The following TAFA1 variants were observed in gnomAD, a reference collection of about 807,000 sequenced individuals.
TAFA1 encodes the protein TAFA chemokine like family member 1, also known as chemokine-like protein TAFA-1.
Under a neutral mutation model 18.5 loss-of-function variants are expected in TAFA1, and 4 were observed. That is an observed-to-expected ratio of 0.22 (90% CI 0.11 to 0.49). The LOEUF is 0.49. Among genes scored for constraint, TAFA1 ranks in the 20% least tolerant of loss-of-function variants. The pLI, the probability that TAFA1 is intolerant of heterozygous loss-of-function variation, is 0.98. For synonymous variants in TAFA1, 56 were observed against 55.2 expected, an observed-to-expected ratio of 1.01 and a Z score of -0.06; for missense variants, 147 against 169.0, an observed-to-expected ratio of 0.87 and a Z score of 0.72.
intron 2 of TAFA1, among the ~76,000 whole-genome samples, chr3:68,131,588 C>G (rs1288247338): frequency 6.6e-6 from 1 of 152,216 alleles, no homozygotes; most frequent in Non-Finnish European, 1.5e-5. Context: ...GCTGTGAGCT[C>G]TTACATCCAC....
intron 3 of TAFA1, among the ~76,000 whole-genome samples, chr3:68,448,597 G>A (rs544247487): frequency 6.6e-6 from 1 of 152,048 alleles, no homozygotes; most frequent in South Asian, 2.1e-4. Context: ...TTAATGGAAG[G>A]AAAGAGGTGA....
chr3:68,347,732 G>C (rs1403972223), intron 2 of TAFA1, among the ~76,000 whole-genome samples: 1 of 152,220 alleles, frequency 6.6e-6, no homozygotes, highest in Admixed American at 6.5e-5. Flanking sequence ...TACTTATAAA[G>C]AGTAGAGGCA....
chr3:68,145,320 T>C, intron 2 of TAFA1: 1 of 792,992 alleles, frequency 1.3e-6, no homozygotes, highest in Non-Finnish European at 2.3e-6. Context: ...CAGCCAATTA[T>C]GGAAGCACTT....
rs111433631 is a variant in TAFA1, at chr3:68,346,472, A to G, written c.119-70808A>G. Reference sequence around the variant, plus strand: ...TTAATATTCAGGAGCAGATGTGCTTATCTGGCATTTTCCTTCTCTGGGCCC... The same window carrying G: ...TTAATATTCAGGAGCAGATGTGCTTGTCTGGCATTTTCCTTCTCTGGGCCC... On this transcript the variant is annotated intron_variant, in intron 2 of 4. Transcript: ENST00000478136. 1.5e-3 allele frequency among the ~76,000 whole-genome samples: 229 copies of G among 152,296 alleles called. 3 individuals carry two copies. In the East Asian group the frequency reaches 0.019, roughly 13 times the overall value.
At chr3:68,044,679 G>C (rs1317422586) in intron 2 of TAFA1, among the ~76,000 whole-genome samples, 3 of 152,210 alleles carry the variant, frequency 2.0e-5, no homozygotes, top group Admixed American at 2.0e-4. Context: ...GAGAGAAAGT[G>C]TGCTACTAAA....
intron 2 of TAFA1, among the ~76,000 whole-genome samples, chr3:68,149,655 G>A (rs868758008): frequency 4.6e-5 from 7 of 152,194 alleles, no homozygotes; most frequent in African/African-American, 1.4e-4. Flanking sequence ...TACCAAGCCT[G>A]CCAGGAGGGA....
intron 2 of TAFA1, among the ~76,000 whole-genome samples, chr3:68,386,524 A>G (rs376944060): frequency 3.3e-5 from 5 of 152,226 alleles, no homozygotes; most frequent in African/African-American, 9.6e-5. Context: ...CTAGGGTGCT[A>G]TGCACATGAT....
In TAFA1 at chr3:68,349,428, A is replaced by G. The variant is rs546790010; in HGVS notation, c.119-67852A>G. Among the ~76,000 whole-genome samples, 448 of 152,220 alleles carry G rather than the reference A, an allele frequency of 2.9e-3. 1 individual carries two copies. The highest frequency in any genetic ancestry group is 2.5e-3 in the Non-Finnish European group (172 of 68,014). ...CTTAGAGACTACAGCAAAGACTAAT[A>G]AAGGACGATAAAGTCCTACGGCACC... On this transcript the variant is annotated intron_variant, in intron 2 of 4. Coordinates refer to ENST00000478136, the MANE Select transcript of TAFA1 (RefSeq NM_213609.4).
At chr3:68,020,372 C>T (rs950910389) in intron 2 of TAFA1, among the ~76,000 whole-genome samples, 7 of 151,664 alleles carry the variant, frequency 4.6e-5, no homozygotes, top group South Asian at 2.1e-4. Flanking sequence ...TTGCTCCAGG[C>T]GTGGGCAAGT....
chr3:68,429,199 A>G (rs777727578), intron 3 of TAFA1, among the ~76,000 whole-genome samples: 1 of 151,848 alleles, frequency 6.6e-6, no homozygotes, highest in Admixed American at 6.6e-5. Flanking sequence ...AAGTCTGTCC[A>G]TGTCACCTGG....
rs770670070 is a variant in TAFA1 at position 68,004,496 on chromosome 3, G to T, written c.-210G>T. ...CCTTGGCTCCTTTTCTGACAATACA[G>T]TCTGAATGAACCCGATGTCTTTTTT... is the stretch of plus-strand genomic sequence containing the variant. On this transcript the variant is annotated 5_prime_UTR_variant, in exon 1 of 5. Transcript: ENST00000478136. 5 of 152,008 alleles carry T rather than the reference G, an allele frequency of 3.3e-5. No individual in the cohort carries two copies. The highest frequency in any genetic ancestry group is 7.4e-5 in the Non-Finnish European group (5 of 68,016). The allele number at this position is 152,008 out of a possible 1,614,324, so 9.4% of individuals were successfully genotyped here.
At chr3:68,237,904 A>G (rs2066947364) in intron 2 of TAFA1, among the ~76,000 whole-genome samples, 1 of 152,154 alleles carries the variant, frequency 6.6e-6, no homozygotes, top group Admixed American at 6.5e-5. Context: ...ATAATAGCAG[A>G]TATAAAAAGG....
At chr3:68,150,516 A>C (rs1349595851) in intron 2 of TAFA1, among the ~76,000 whole-genome samples, 1 of 152,106 alleles carries the variant, frequency 6.6e-6, no homozygotes, top group Non-Finnish European at 1.5e-5. Flanking sequence ...TAAAAAATGG[A>C]TTTTGGAGAT....
At chr3:68,471,906 G>A (rs2072003335) in intron 3 of TAFA1, among the ~76,000 whole-genome samples, 1 of 152,178 alleles carries the variant, frequency 6.6e-6, no homozygotes, top group Non-Finnish European at 1.5e-5. Context: ...TTGTATCTAG[G>A]AAGTAACTAA....
At chr3:68,404,511 G>C (rs2070560006) in intron 2 of TAFA1, among the ~76,000 whole-genome samples, 1 of 151,986 alleles carries the variant, frequency 6.6e-6, no homozygotes, top group Non-Finnish European at 1.5e-5. Flanking sequence ...CCAAAAAAAA[G>C]AGAAAGGGCT....
chr3:68,293,790 T>A (rs938127265), intron 2 of TAFA1, among the ~76,000 whole-genome samples: 1 of 152,148 alleles, frequency 6.6e-6, no homozygotes, highest in Non-Finnish European at 1.5e-5. Context: ...TGAAGAGCAA[T>A]TTCCAGGTCG....
intron 2 of TAFA1, among the ~76,000 whole-genome samples, chr3:68,050,762 T>C (rs1004484386): frequency 1.3e-5 from 2 of 152,178 alleles, no homozygotes; most frequent in African/African-American, 2.4e-5. Context: ...AATAATTATA[T>C]GTCATCTTAG....
chr3:68,529,478 G>T (rs867968771), intron 3 of TAFA1, among the ~76,000 whole-genome samples: 3 of 136,046 alleles, frequency 2.2e-5, no homozygotes, highest in South Asian at 4.7e-4. Flanking sequence ...AACACAAGCT[G>T]CTTGCTTTCA....
At chr3:68,012,031 T>C (rs1704482944) in intron 2 of TAFA1, among the ~76,000 whole-genome samples, 1 of 152,190 alleles carries the variant, frequency 6.6e-6, no homozygotes, top group African/African-American at 2.4e-5. Context: ...TATTTAGAAA[T>C]GGCAAAAATG....
Sources: allele counts gnomAD v4.1 joint callset (sites outside exome capture counted in the v4.1 genomes callset), GRCh38; gene constraint gnomAD v4.1.1; transcripts MANE v1.5; gene names NCBI Gene and HGNC (gene_info 2026-07-23, HGNC 2026-07-21).